Variants in CNOT6 observed in about 807,000 individuals in gnomAD.
The protein encoded by CNOT6 is CCR4-NOT transcription complex subunit 6.
CNOT6 carries 12 observed loss-of-function variants against 61.2 expected under a neutral mutation model. That is an observed-to-expected ratio of 0.20 (90% CI 0.13 to 0.32). CNOT6 has a LOEUF of 0.32. CNOT6 is among the 10% of genes least tolerant of loss of function. CNOT6 has a pLI of 1.00. For missense variants in CNOT6, 405 were observed against 663.9 expected, an observed-to-expected ratio of 0.61 and a Z score of 4.28; for synonymous variants, 225 against 240.6, an observed-to-expected ratio of 0.94 and a Z score of 0.60.
At chr5:180,520,685 CA>C (rs1227232067) in intron 1 of CNOT6, among the ~76,000 whole-genome samples, 1 of 151,992 alleles carries the variant, frequency 6.6e-6, no homozygotes. Context: ...AGGCAGGAAA[CA>C]AAGACATTTA....
At chr5:180,509,223 C>T (rs753927480) in intron 1 of CNOT6, among the ~76,000 whole-genome samples, 1 of 152,206 alleles carries the variant, frequency 6.6e-6, no homozygotes, top group African/African-American at 2.4e-5. Context: ...CCTCCGCCTC[C>T]TGGGCTCAAG....
intron 1 of CNOT6, among the ~76,000 whole-genome samples, chr5:180,511,024 C>T (rs935084141): frequency 1.3e-5 from 2 of 152,066 alleles, no homozygotes; most frequent in Non-Finnish European, 2.9e-5. Flanking sequence ...AGGCTAGTCT[C>T]GAACTCCTGA....
intron 4 of CNOT6, among the ~76,000 whole-genome samples, chr5:180,563,150 AG>A (rs1263654974): frequency 1.3e-5 from 2 of 152,310 alleles, no homozygotes; most frequent in Middle Eastern, 3.4e-3. Context: ...CTCACAGCAC[AG>A]GGTGTCTCAA....
rs1483207066 is a variant in CNOT6 at position 180,575,835 on chromosome 5, T to A, written c.*1635T>A. On this transcript the variant is annotated 3_prime_UTR_variant, in exon 12 of 12. Transcript: ENST00000261951. ...ATGTGAGCATTAGGAAAAAAAATAC[T>A]CACTCTTACTAACAATTTTTATACA... 2 of 152,172 alleles carry A rather than the reference T, an allele frequency of 1.3e-5. No individual in the cohort carries two copies. The highest frequency in any genetic ancestry group is 2.9e-5 in the Non-Finnish European group (2 of 67,984). 9.4% of individuals were successfully genotyped at this position (152,172 alleles called of 1,614,324 possible).
Position 180,513,087 on chromosome 5 carries a change from C to T in CNOT6, c.-2-16188C>T, listed in dbSNP as rs576240122. ...AATTTTTTTGTGTTTTTAGTAGACA[C>T]GGCATTTCACCTTGTTAGCCAGGAT... On this transcript the variant is annotated intron_variant, in intron 1 of 11. Transcript: ENST00000261951. Among the ~76,000 whole-genome samples the T allele has an allele frequency of 9.9e-5, 15 of 151,962 alleles. No individual in the cohort carries two copies. In the South Asian group the frequency reaches 1.4e-3, roughly 15 times the overall value.
chr5:180,517,719 T>A (rs1757705422), intron 1 of CNOT6, among the ~76,000 whole-genome samples: 1 of 152,148 alleles, frequency 6.6e-6, no homozygotes, highest in African/African-American at 2.4e-5. Flanking sequence ...AGTTTTTGTA[T>A]TTTTAGTGGA....
At chr5:180,569,363 T>C in intron 10 of CNOT6, 23 bp downstream of exon 10, 2 of 1,490,268 alleles carry the variant, frequency 1.3e-6, no homozygotes, top group South Asian at 1.2e-5. Flanking sequence ...TGTGATTTTA[T>C]GTAGAATATT....
intron 1 of CNOT6, among the ~76,000 whole-genome samples, chr5:180,513,927 C>T (rs890058932): frequency 1.3e-5 from 2 of 151,584 alleles, no homozygotes; most frequent in African/African-American, 4.8e-5. Context: ...TGGTCTCGAT[C>T]TCCTGACCTC....
chr5:180,544,216 C>T (rs1189652000), intron 2 of CNOT6, among the ~76,000 whole-genome samples: 1 of 152,178 alleles, frequency 6.6e-6, no homozygotes, highest in African/African-American at 2.4e-5. Flanking sequence ...ATCATGAGGG[C>T]AGGCACATGC....
intron 2 of CNOT6, among the ~76,000 whole-genome samples, chr5:180,531,849 C>T (rs1471490197): frequency 2.6e-5 from 4 of 152,320 alleles, no homozygotes; most frequent in South Asian, 4.1e-4. Context: ...TCAGGCGTGG[C>T]GGCGCGTGCC....
At chr5:180,508,054 G>A (rs1052563834) in intron 1 of CNOT6, among the ~76,000 whole-genome samples, 1 of 152,154 alleles carries the variant, frequency 6.6e-6, no homozygotes, top group Non-Finnish European at 1.5e-5. Flanking sequence ...ATATCAGACC[G>A]TATCTAGGAT....
intron 2 of CNOT6, among the ~76,000 whole-genome samples, chr5:180,536,121 G>T (rs1173145001): frequency 6.8e-6 from 1 of 146,686 alleles, no homozygotes; most frequent in African/African-American, 2.5e-5. Context: ...TCAGCCTCCT[G>T]AGTAGCTGGT....
rs1171751295 is a variant in CNOT6 at position 180,574,663 on chromosome 5, T to C, written c.*463T>C. ...ATTTAGCCTTTATGATTGTATATGA[T>C]CCACAGAAGACCTGATTTATGAAAT... is the stretch of plus-strand genomic sequence containing the variant. On this transcript the variant is annotated 3_prime_UTR_variant, in exon 12 of 12. Coordinates refer to ENST00000261951, the MANE Select transcript of CNOT6 (RefSeq NM_001370472.1). 2 of 161,426 alleles carry C rather than the reference T, an allele frequency of 1.2e-5. No homozygotes were observed. Among genetic ancestry groups the C allele is most frequent in the Admixed American group, 6.0e-5 (1 of 16,740 alleles). The allele number at this position is 161,426 out of a possible 1,614,324, so 10.0% of individuals were successfully genotyped here.
intron 1 of CNOT6, among the ~76,000 whole-genome samples, chr5:180,525,045 G>A (rs1269858292): frequency 6.6e-6 from 1 of 150,668 alleles, no homozygotes; most frequent in African/African-American, 2.4e-5. Context: ...TAGACAGAAG[G>A]AGCACTTCTT....
intron 1 of CNOT6, among the ~76,000 whole-genome samples, chr5:180,514,390 C>T (rs1379057380): frequency 2.0e-5 from 3 of 152,186 alleles, no homozygotes; most frequent in Admixed American, 6.5e-5. Flanking sequence ...CCACTGCACT[C>T]CAGCCTAGGC....
chr5:180,547,881 C>A (rs1258076908), intron 2 of CNOT6, among the ~76,000 whole-genome samples: 1 of 151,972 alleles, frequency 6.6e-6, no homozygotes, highest in African/African-American at 2.4e-5. Context: ...TTACAGGCGC[C>A]CACCAGCATA....
chr5:180,500,861 A>C (rs2127690233), intron 1 of CNOT6, among the ~76,000 whole-genome samples: 1 of 152,162 alleles, frequency 6.6e-6, no homozygotes, highest in South Asian at 2.1e-4. Context: ...ATGCTAAGGA[A>C]GGAGAAAGTC....
Position 180,577,198 on chromosome 5 carries a change from TAA to T in CNOT6, c.*2999_*3000del, listed in dbSNP as rs1761048140. The T allele has an allele frequency of 6.6e-6, 1 of 152,414 alleles. No homozygotes were observed. Among genetic ancestry groups the T allele is most frequent in the Admixed American group, 6.6e-5 (1 of 15,234 alleles). The allele number at this position is 152,414 out of a possible 1,614,324, so 9.4% of individuals were successfully genotyped here. On this transcript the variant is annotated 3_prime_UTR_variant, in exon 12 of 12. Coordinates refer to ENST00000261951, the MANE Select transcript of CNOT6 (RefSeq NM_001370472.1). The stretch of plus-strand genomic sequence containing the variant: ...GTGTGTGTGTGTGTGTGTGTGTGTT[TAA>T]TATGATTTAGTGACAACCAGGAAAA...
chr5:180,513,825 C>T (rs1561635328), intron 1 of CNOT6, among the ~76,000 whole-genome samples: 2 of 151,852 alleles, frequency 1.3e-5, no homozygotes, highest in Admixed American at 6.6e-5. Flanking sequence ...GCCTCAGCCT[C>T]TCCGAGTAGC....
Sources: allele counts gnomAD v4.1 joint callset (sites outside exome capture counted in the v4.1 genomes callset), GRCh38; gene constraint gnomAD v4.1.1; transcripts MANE v1.5; gene names NCBI Gene and HGNC (gene_info 2026-07-23, HGNC 2026-07-21).